The following CAMK1D variants were observed in gnomAD, a reference collection of about 807,000 sequenced individuals.
CAMK1D encodes calcium/calmodulin-dependent protein kinase type 1D.
In CAMK1D, 9 loss-of-function variants were observed where a neutral mutation model predicts 47.7. The ratio of observed to expected loss-of-function variants is 0.19; its 90% CI spans 0.11 to 0.33. The LOEUF (loss-of-function observed/expected upper bound fraction) is 0.33, where lower values mean the gene tolerates loss of function less well. CAMK1D is among the 10% of genes least tolerant of loss of function. The pLI, the probability that CAMK1D is intolerant of heterozygous loss-of-function variation, is 1.00. For missense variants in CAMK1D, 291 were observed against 488.7 expected, an observed-to-expected ratio of 0.60 and a Z score of 3.81; for synonymous variants, 184 against 184.9, an observed-to-expected ratio of 0.99 and a Z score of 0.04.
chr10:12,391,320 G>T (rs1039186866), intron 1 of CAMK1D, among the ~76,000 whole-genome samples: 2 of 152,136 alleles, frequency 1.3e-5, no homozygotes, highest in African/African-American at 4.8e-5. Flanking sequence ...GGGATTGTCT[G>T]TGGGAATTCC....
intron 1 of CAMK1D, among the ~76,000 whole-genome samples, chr10:12,420,045 C>T (rs1331614379): frequency 2.0e-5 from 3 of 152,026 alleles, no homozygotes; most frequent in East Asian, 1.9e-4. Flanking sequence ...CTGCAAGCTC[C>T]GCCTCCCGGG....
chr10:12,355,127 G>A (rs924105538), intron 1 of CAMK1D, among the ~76,000 whole-genome samples: 1 of 152,096 alleles, frequency 6.6e-6, no homozygotes, highest in African/African-American at 2.4e-5. Context: ...ACAGGCACGG[G>A]CCACTGCACT....
intron 1 of CAMK1D, among the ~76,000 whole-genome samples, chr10:12,454,584 TCCCGAGTAGC>T (rs1353185519): frequency 1.3e-5 from 2 of 152,174 alleles, no homozygotes; most frequent in Non-Finnish European, 2.9e-5. Context: ...TGCCTCAGCC[TCCCGAGTAGC>T]TGGGACTATA....
chr10:12,774,770 AC>A (rs1837204493), intron 5 of CAMK1D, among the ~76,000 whole-genome samples: 2 of 152,012 alleles, frequency 1.3e-5, no homozygotes, highest in African/African-American at 4.8e-5. Context: ...GGGAGCTTGA[AC>A]CCCGTTGTGA....
intron 3 of CAMK1D, among the ~76,000 whole-genome samples, chr10:12,755,739 A>G (rs1836197619): frequency 6.6e-6 from 1 of 152,170 alleles, no homozygotes; most frequent in Non-Finnish European, 1.5e-5. Context: ...TTTAATAATA[A>G]TAATAATAAT....
rs138472301 is a variant in CAMK1D at position 12,666,633 on chromosome 10, G to A, written c.225-103G>A. On this transcript the variant is annotated intron_variant, in intron 2 of 10. Coordinates refer to ENST00000619168, the MANE Select transcript of CAMK1D (RefSeq NM_153498.4). ...AAGTCTGAAATCTTTTTGTTCAGGA[G>A]TTTGGATTCTGTTTTGTAACTTTTT... The A allele has an allele frequency of 9.3e-5, 83 of 888,420 alleles. No individual in the cohort carries two copies. In the African/African-American group the frequency reaches 1.2e-3, roughly 13 times the overall value. 55.0% of individuals were successfully genotyped at this position (888,420 alleles called of 1,614,324 possible). A position where few individuals can be genotyped will look rare whatever the true frequency, so the allele number is the denominator to read the frequency against.
At chr10:12,607,024 C>T (rs1035859228) in intron 2 of CAMK1D, among the ~76,000 whole-genome samples, 2 of 152,068 alleles carry the variant, frequency 1.3e-5, no homozygotes, top group Admixed American at 6.6e-5. Flanking sequence ...GACGGGGTTT[C>T]ACCATGTTGG....
intron 1 of CAMK1D, among the ~76,000 whole-genome samples, chr10:12,404,278 C>G (rs1839334742): frequency 6.6e-6 from 1 of 152,202 alleles, no homozygotes; most frequent in Non-Finnish European, 1.5e-5. Context: ...CTCCTGACTT[C>G]AGGTGATCCG....
At chr10:12,652,002 A>G (rs988356909) in intron 2 of CAMK1D, among the ~76,000 whole-genome samples, 1 of 148,000 alleles carries the variant, frequency 6.8e-6, no homozygotes, top group African/African-American at 2.5e-5. Context: ...GATGGCCTCT[A>G]TCTCCTGACC....
At chr10:12,440,138 A>T (rs1832744391) in intron 1 of CAMK1D, among the ~76,000 whole-genome samples, 1 of 152,188 alleles carries the variant, frequency 6.6e-6, no homozygotes, top group South Asian at 2.1e-4. Flanking sequence ...CTAGCAGCAG[A>T]TTGTCTAAGT....
Position 12,614,045 on chromosome 10 carries a change from T to A in CAMK1D, c.225-52691T>A, listed in dbSNP as rs539172595. 2.0e-5 allele frequency among the ~76,000 whole-genome samples: 3 copies of A among 152,312 alleles called. No individual in the cohort carries two copies. In the South Asian group the frequency reaches 6.2e-4, roughly 32 times the overall value. The stretch of plus-strand genomic sequence containing the variant: ...CATACTCTGCTTTTCTCCTTAATTA[T>A]TATTTTTTAACCCAAGACAGGTAGG... On this transcript the variant is annotated intron_variant, in intron 2 of 10. Coordinates refer to ENST00000619168, the MANE Select transcript of CAMK1D (RefSeq NM_153498.4).
At chr10:12,485,374 G>C (rs1178996076) in intron 1 of CAMK1D, among the ~76,000 whole-genome samples, 1 of 152,150 alleles carries the variant, frequency 6.6e-6, no homozygotes, top group South Asian at 2.1e-4. Context: ...GGAGCTCCTC[G>C]TGCCCCCTGT....
At chr10:12,382,020 CTT>C (rs1469860877) in intron 1 of CAMK1D, among the ~76,000 whole-genome samples, 1 of 152,120 alleles carries the variant, frequency 6.6e-6, no homozygotes, top group East Asian at 1.9e-4. Context: ...GAAACTGTGA[CTT>C]TGAGTGAAAT....
At chr10:12,620,833 A>T (rs747853119) in intron 2 of CAMK1D, among the ~76,000 whole-genome samples, 77 of 151,292 alleles carry the variant, frequency 5.1e-4, no homozygotes, top group Non-Finnish European at 8.6e-4. Flanking sequence ...AGTTGTAAGA[A>T]CTCTTTGTCT....
intron 3 of CAMK1D, among the ~76,000 whole-genome samples, chr10:12,749,792 G>A (rs1287617421): frequency 6.6e-6 from 1 of 151,778 alleles, no homozygotes; most frequent in African/African-American, 2.4e-5. Flanking sequence ...ATTTCACCGT[G>A]TTGGCCAGGC....
chr10:12,757,867 T>C (rs1836306964), intron 3 of CAMK1D, among the ~76,000 whole-genome samples: 1 of 148,554 alleles, frequency 6.7e-6, no homozygotes, highest in African/African-American at 2.5e-5. Flanking sequence ...TTTTTTTTTT[T>C]TTTTTTTTGA....
intron 1 of CAMK1D, among the ~76,000 whole-genome samples, chr10:12,518,186 C>T (rs1158528142): frequency 6.6e-6 from 1 of 152,216 alleles, no homozygotes; most frequent in East Asian, 1.9e-4. Context: ...CTGAAGCCCA[C>T]AGGCCAGCCA....
At chr10:12,356,608 G>C (rs1264303344) in intron 1 of CAMK1D, among the ~76,000 whole-genome samples, 2 of 151,652 alleles carry the variant, frequency 1.3e-5, no homozygotes, top group East Asian at 3.9e-4. Flanking sequence ...TGTAGTCCCA[G>C]CTACTCCGGA....
chr10:12,380,044 C>G (rs1838296181), intron 1 of CAMK1D, among the ~76,000 whole-genome samples: 1 of 151,594 alleles, frequency 6.6e-6, no homozygotes, highest in African/African-American at 2.4e-5. Flanking sequence ...GAAACCCCGT[C>G]TCTACTAAAA....
Sources: gnomAD v4.1 joint callset for allele counts (sites outside exome capture counted in the v4.1 genomes callset) on GRCh38, gnomAD v4.1.1 for gene constraint, MANE v1.5 for transcripts, NCBI Gene and HGNC (gene_info 2026-07-23, HGNC 2026-07-21) for gene names.